SRGN: variants seen among roughly 807,000 people sequenced by gnomAD.
SRGN encodes hematopoetic proteoglycan core peptide.
In SRGN, 2 loss-of-function variants were observed where a neutral mutation model predicts 9.5. The observed-to-expected ratio is 0.21, with a 90% CI of 0.09 to 0.66. SRGN has a LOEUF of 0.66. Among genes scored for constraint, SRGN ranks in the 30% least tolerant of loss-of-function variants. The pLI is 0.83. For missense variants in SRGN, 170 were observed against 192.4 expected, an observed-to-expected ratio of 0.88 and a Z score of 0.69; for synonymous variants, 59 against 72.3, an observed-to-expected ratio of 0.82 and a Z score of 0.93.
chr10:69,101,209 C>T (rs1840283660), intron 2 of SRGN, among the ~76,000 whole-genome samples: 1 of 152,102 alleles, frequency 6.6e-6, no homozygotes, highest in African/African-American at 2.4e-5. Flanking sequence ...AAATGATCTG[C>T]CTGCCTCGTC....
chr10:69,095,283 G>A (rs1840152956), intron 1 of SRGN, among the ~76,000 whole-genome samples: 1 of 148,368 alleles, frequency 6.7e-6, no homozygotes, highest in African/African-American at 2.5e-5. Context: ...ATCCCAGCCA[G>A]GGCAACAGAG....
chr10:69,093,249 C>T (rs574705711), intron 1 of SRGN, among the ~76,000 whole-genome samples: 1 of 152,162 alleles, frequency 6.6e-6, no homozygotes, highest in South Asian at 2.1e-4. Context: ...AGATTTGGAA[C>T]CCTTAGTATG....
intron 1 of SRGN, among the ~76,000 whole-genome samples, chr10:69,093,681 T>C (rs966123637): frequency 2.6e-5 from 4 of 152,006 alleles, no homozygotes; most frequent in African/African-American, 9.7e-5. Flanking sequence ...ATCGAGACCT[T>C]CCTGGCTAAC....
intron 1 of SRGN, among the ~76,000 whole-genome samples, chr10:69,096,595 C>T (rs192848254): frequency 1.3e-5 from 2 of 152,206 alleles, no homozygotes; most frequent in Admixed American, 6.5e-5. Context: ...AATGTTGGCA[C>T]ATAGTGGGTG....
At chr10:69,089,476 C>T (rs185480413) in intron 1 of SRGN, among the ~76,000 whole-genome samples, 1 of 152,220 alleles carries the variant, frequency 6.6e-6, no homozygotes, top group East Asian at 1.9e-4. Flanking sequence ...GCTGGGCATA[C>T]CCCAACCAGA....
intron 1 of SRGN, among the ~76,000 whole-genome samples, chr10:69,093,001 G>A (rs1168463885): frequency 6.6e-6 from 1 of 152,100 alleles, no homozygotes; most frequent in Non-Finnish European, 1.5e-5. Context: ...TATTTGTCAT[G>A]CTGGTGAAAA....
At chr10:69,087,746 C>T (rs1839967792), upstream of SRGN, among the ~76,000 whole-genome samples, 1 of 151,772 alleles carries the variant, frequency 6.6e-6, no homozygotes, top group Non-Finnish European at 1.5e-5. Flanking sequence ...ACCTAGATCC[C>T]TTATCTCATA....
chr10:69,096,956 T>G, intron 1 of SRGN, 128 bp from the exon 2 acceptor site: 1 of 876,464 alleles, frequency 1.1e-6, no homozygotes, highest in Non-Finnish European at 1.7e-6. Context: ...ATCACAGTAC[T>G]GCACTCCAGC....
At chr10:69,091,920 G>GAAAA (rs1840070577) in intron 1 of SRGN, among the ~76,000 whole-genome samples, 2 of 81,310 alleles carry the variant, frequency 2.5e-5, no homozygotes, top group East Asian at 6.9e-4. Flanking sequence ...AAAAAGAAAA[G>GAAAA]AAAAGAAAAA....
In SRGN at chr10:69,104,255, T is replaced by C; in HGVS notation, c.*135T>C. 2 of 1,193,250 alleles carry C rather than the reference T, an allele frequency of 1.7e-6. No homozygotes were observed. Among genetic ancestry groups the C allele is most frequent in the Non-Finnish European group, 2.3e-6 (2 of 865,510 alleles). 73.9% of individuals were successfully genotyped at this position (1,193,250 alleles called of 1,614,324 possible). On this transcript the variant is annotated 3_prime_UTR_variant, in exon 3 of 3. Transcript: ENST00000242465. ...TGAAAAAGAAGCTTAAGTTTTATCA[T>C]CCTTTTTTTTCTCATGAATTCTTAA...
chr10:69,096,742 A>G (rs1253839287), intron 1 of SRGN, among the ~76,000 whole-genome samples: 1 of 152,164 alleles, frequency 6.6e-6, no homozygotes, highest in African/African-American at 2.4e-5. Context: ...CTGGGAGGCC[A>G]AGGCAGGAGG....
Position 69,103,231 on chromosome 10 carries a change from A to G in SRGN, c.228-640A>G, listed in dbSNP as rs1255509353. On this transcript the variant is annotated intron_variant, in intron 2 of 2. Coordinates refer to ENST00000242465, the MANE Select transcript of SRGN (RefSeq NM_002727.4). ...TTGGATTACAGACATGAGCCACCAC[A>G]CCCGGCCAAGAGGACTTCTTTTAAA... Among the ~76,000 whole-genome samples the G allele has an allele frequency of 2.6e-5, 4 of 151,354 alleles. No individual in the cohort carries two copies. The South Asian group carries it at 8.4e-4, about 32-fold the overall frequency.
Position 69,088,288 on chromosome 10 carries a change from T to A in SRGN, c.79+52T>A, listed in dbSNP as rs1839980710. The A allele has an allele frequency of 2.1e-6, 3 of 1,411,422 alleles. No individual in the cohort carries two copies. In the South Asian group the frequency reaches 3.5e-5, roughly 16 times the overall value. The allele number at this position is 1,411,422 out of a possible 1,614,324, so 87.4% of individuals were successfully genotyped here. A position where few individuals can be genotyped will look rare whatever the true frequency, so the allele number is the denominator to read the frequency against. On this transcript the variant is annotated intron_variant, in intron 1 of 2. Transcript: ENST00000242465. ...GCCATCTTCTCTGTAAGCCCTGTGGTCCATGCAAGTCATTATATTCATTTT... is the reference window on the plus strand; with the variant it reads ...GCCATCTTCTCTGTAAGCCCTGTGGACCATGCAAGTCATTATATTCATTTT...
chr10:69,090,589 G>T (rs1233972828), intron 1 of SRGN, among the ~76,000 whole-genome samples: 1 of 152,146 alleles, frequency 6.6e-6, no homozygotes, highest in Non-Finnish European at 1.5e-5. Flanking sequence ...CATCTTCTTA[G>T]AGGGTCACCA....
intron 2 of SRGN, among the ~76,000 whole-genome samples, chr10:69,101,424 C>T (rs1041695266): frequency 6.6e-6 from 1 of 152,166 alleles, no homozygotes; most frequent in Non-Finnish European, 1.5e-5. Flanking sequence ...TCCAAGGCCA[C>T]CTCTCTTTGT....
chr10:69,103,714 A>G (rs1286776523), intron 2 of SRGN, among the ~76,000 whole-genome samples, 157 bp from the exon 3 acceptor site: 1 of 152,150 alleles, frequency 6.6e-6, no homozygotes, highest in Admixed American at 6.6e-5. Flanking sequence ...TTTTTTGTTG[A>G]TTTTAAAACA....
intron 1 of SRGN, among the ~76,000 whole-genome samples, chr10:69,091,043 G>C (rs1036549914): frequency 2.0e-5 from 3 of 152,172 alleles, no homozygotes; most frequent in Non-Finnish European, 4.4e-5. Context: ...TCCTTGTGCT[G>C]CTCTTTGTAA....
chr10:69,094,947 C>T (rs1035633194), intron 1 of SRGN, among the ~76,000 whole-genome samples: 10 of 151,514 alleles, frequency 6.6e-5, no homozygotes, highest in Admixed American at 6.6e-5. Flanking sequence ...TTTGCCTACC[C>T]GCCTCTCACC....
rs370274573 is a variant in SRGN at position 69,097,347 on chromosome 10, G to C, written c.227+116G>C. 1.0e-4 allele frequency: 79 copies of C among 760,684 alleles called. 1 individual carries two copies. In the East Asian group the frequency reaches 1.5e-3, roughly 14 times the overall value. 47.1% of individuals were successfully genotyped at this position (760,684 alleles called of 1,614,324 possible). A position where few individuals can be genotyped will look rare whatever the true frequency, so the allele number is the denominator to read the frequency against. On this transcript the variant is annotated intron_variant, in intron 2 of 2. Transcript: ENST00000242465. ...GCAATCTTAGCTCACTGCAACCTCC[G>C]CCTCCTGGGTTCAAGCGATTCTCCT...
Sources: allele counts gnomAD v4.1 joint callset (sites outside exome capture counted in the v4.1 genomes callset), GRCh38; gene constraint gnomAD v4.1.1; transcripts MANE v1.5; gene names NCBI Gene and HGNC (gene_info 2026-07-23, HGNC 2026-07-21).